LMNB1: variants seen among roughly 807,000 people sequenced by gnomAD.
LMNB1 encodes lamin B1.
Under a neutral mutation model 67.1 loss-of-function variants are expected in LMNB1, and 23 were observed. The observed-to-expected ratio is 0.34, with a 90% confidence interval of 0.25 to 0.49. The LOEUF (loss-of-function observed/expected upper bound fraction) is 0.49, where lower values mean the gene tolerates loss of function less well. Among genes scored for constraint, LMNB1 ranks in the 20% least tolerant of loss-of-function variants. The pLI is 0.99. For missense variants in LMNB1, 634 were observed against 746.5 expected (o/e 0.85, Z 1.76); for synonymous variants, 281 against 282.9 (o/e 0.99, Z 0.07).
chr5:126,820,860 A>C, intron 6 of LMNB1, 50 bp from the exon 7 acceptor site: 1 of 1,338,750 alleles, frequency 7.5e-7, no homozygotes. Context: ...TTTTAAGGCG[A>C]GAAGGGCATA....
chr5:126,807,720 T>C (rs1751480578), intron 3 of LMNB1, among the ~76,000 whole-genome samples: 1 of 152,246 alleles, frequency 6.6e-6, no homozygotes, highest in African/African-American at 2.4e-5. Context: ...GGGTTTTTTT[T>C]CTTTGTAAGG....
chr5:126,783,585 G>A (rs1324980093), intron 1 of LMNB1, among the ~76,000 whole-genome samples: 3 of 152,250 alleles, frequency 2.0e-5, no homozygotes, highest in African/African-American at 7.2e-5. Context: ...GCTTTCAAAA[G>A]ATGTTTGATA....
chr5:126,778,123 C>G (rs1206980658), intron 1 of LMNB1, among the ~76,000 whole-genome samples: 6 of 152,164 alleles, frequency 3.9e-5, no homozygotes, highest in African/African-American at 1.4e-4. Context: ...CCCGCTGGGA[C>G]GTGGTAAGTG....
At chr5:126,793,482 T>C (rs1406524444) in intron 1 of LMNB1, among the ~76,000 whole-genome samples, 10 of 152,216 alleles carry the variant, frequency 6.6e-5, no homozygotes, top group Admixed American at 6.6e-4. Flanking sequence ...TAGCAGAATT[T>C]TATTGGCACC....
intron 1 of LMNB1, among the ~76,000 whole-genome samples, chr5:126,792,956 A>G (rs889035007): frequency 3.9e-5 from 6 of 152,232 alleles, no homozygotes; most frequent in Admixed American, 3.9e-4. Flanking sequence ...CTAGAGGAGC[A>G]ATAATGATGC....
intron 1 of LMNB1, among the ~76,000 whole-genome samples, chr5:126,780,925 C>T (rs150194061): frequency 2.0e-5 from 3 of 152,290 alleles, no homozygotes; most frequent in Admixed American, 2.0e-4. Flanking sequence ...ATATCTATCA[C>T]ATGAATCTGC....
rs140987310 is a variant in LMNB1, at chr5:126,782,158, CAG to C, written c.359+4293_359+4294del. Among the ~76,000 whole-genome samples, 1,318 of 152,278 alleles carry C rather than the reference CAG, an allele frequency of 8.7e-3. 20 individuals carry two copies. The highest frequency in any genetic ancestry group is 0.03 in the African/African-American group (1,244 of 41,558). ...AACTATACGGGAAAACTAGATATAA[CAG>C]AAAGTTAAGTGTTTACATCAGTCTT... On this transcript the variant is annotated intron_variant, in intron 1 of 10. Coordinates refer to ENST00000261366, the MANE Select transcript of LMNB1 (RefSeq NM_005573.4).
At chr5:126,821,627 G>A (rs1253088320) in intron 7 of LMNB1, among the ~76,000 whole-genome samples, 2 of 152,170 alleles carry the variant, frequency 1.3e-5, no homozygotes, top group African/African-American at 2.4e-5. Flanking sequence ...ATAGCATGAA[G>A]CCTTATTTTG....
chr5:126,809,686 C>CAGAAA (rs143766887), intron 3 of LMNB1, among the ~76,000 whole-genome samples: 1,957 of 151,742 alleles, frequency 0.013, 19 homozygotes, highest in Middle Eastern at 0.021. Context: ...TACTCTATCT[C>CAGAAA]AGAAAAGAAA....
chr5:126,823,169 T>C (rs1415041684), intron 8 of LMNB1, among the ~76,000 whole-genome samples: 1 of 152,218 alleles, frequency 6.6e-6, no homozygotes, highest in Non-Finnish European at 1.5e-5. Flanking sequence ...AGACACTGCT[T>C]GGCATAAAGA....
intron 1 of LMNB1, among the ~76,000 whole-genome samples, chr5:126,780,411 A>G (rs1411848090): frequency 3.3e-5 from 5 of 152,212 alleles, no homozygotes; most frequent in Admixed American, 3.3e-4. Context: ...TAGCCACAGG[A>G]GGTTTTTCAC....
At position 126,787,542 on chromosome 5, in the gene LMNB1, ATATATT is replaced by A. The variant is rs1208667205; in HGVS notation, c.359+9677_359+9682del. On this transcript the variant is annotated intron_variant, in intron 1 of 10. Coordinates refer to ENST00000261366, the MANE Select transcript of LMNB1 (RefSeq NM_005573.4). ...TGTGGGGGTATATATATATATATAT[ATATATT>A]TTTTTTTTTTTTTTTTGAGATAGAG... is the stretch of plus-strand genomic sequence containing the variant. Among the ~76,000 whole-genome samples the A allele has an allele frequency of 1.8e-4, 12 of 68,274 alleles. 1 individual carries two copies. Among genetic ancestry groups the A allele is most frequent in the East Asian group, 6.0e-4 (2 of 3,352 alleles). 44.8% of individuals were successfully genotyped at this position (68,274 alleles called of 152,430 possible). A position where few individuals can be genotyped will look rare whatever the true frequency, so the allele number is the denominator to read the frequency against.
intron 10 of LMNB1, among the ~76,000 whole-genome samples, chr5:126,834,944 T>C (rs1752217812): frequency 6.6e-6 from 1 of 152,196 alleles, no homozygotes; most frequent in South Asian, 2.1e-4. Flanking sequence ...ATGTGAGAGT[T>C]AAATGAAGTT....
At chr5:126,789,942 G>A (rs1309897133) in intron 1 of LMNB1, among the ~76,000 whole-genome samples, 1 of 151,802 alleles carries the variant, frequency 6.6e-6, no homozygotes, top group Non-Finnish European at 1.5e-5. Context: ...CAAAGTGCTG[G>A]GATTACAGGC....
At position 126,777,377 on chromosome 5, in the gene LMNB1, C is replaced by G. The variant is rs947453441; in HGVS notation, c.-132C>G. The G allele has an allele frequency of 9.0e-7, 1 of 1,112,138 alleles. No individual in the cohort carries two copies. The highest frequency in any genetic ancestry group is 4.0e-5 in the South Asian group (1 of 25,084). 68.9% of individuals were successfully genotyped at this position (1,112,138 alleles called of 1,614,324 possible). A position where few individuals can be genotyped will look rare whatever the true frequency, so the allele number is the denominator to read the frequency against. On this transcript the variant is annotated 5_prime_UTR_variant, in exon 1 of 11. Transcript: ENST00000261366. ...CCATCCCAGGTGCTTCTCCGTTCCT[C>G]TAAACGCCAGCGTCTGGACGTGAGC... is the stretch of plus-strand genomic sequence containing the variant.
intron 1 of LMNB1, among the ~76,000 whole-genome samples, chr5:126,792,738 G>A (rs1050250176): frequency 2.0e-5 from 3 of 151,908 alleles, no homozygotes; most frequent in Non-Finnish European, 4.4e-5. Flanking sequence ...CACCACGCCT[G>A]GCTAATTTTG....
intron 1 of LMNB1, among the ~76,000 whole-genome samples, chr5:126,781,539 C>T (rs1263585736): frequency 5.9e-5 from 9 of 151,938 alleles, no homozygotes; most frequent in East Asian, 5.8e-4. Context: ...CAGGTTCAAG[C>T]GATGCTCTTG....
intron 1 of LMNB1, among the ~76,000 whole-genome samples, chr5:126,787,828 G>C (rs964714981): frequency 3.3e-5 from 5 of 151,868 alleles, no homozygotes; most frequent in Admixed American, 2.0e-4. Context: ...TGGGATTACA[G>C]GTGTGAGCCA....
chr5:126,808,481 G>T (rs779317700), intron 3 of LMNB1, among the ~76,000 whole-genome samples: 5 of 151,094 alleles, frequency 3.3e-5, no homozygotes, highest in Non-Finnish European at 7.4e-5. Flanking sequence ...GAGCCACTAC[G>T]CTGGCCTTAA....
Sources: allele counts gnomAD v4.1 joint callset (sites outside exome capture counted in the v4.1 genomes callset), GRCh38; gene constraint gnomAD v4.1.1; transcripts MANE v1.5; gene names NCBI Gene and HGNC (gene_info 2026-07-23, HGNC 2026-07-21).